Variants in C16orf46 observed in about 807,000 individuals in gnomAD.
C16orf46 encodes uncharacterized protein C16orf46.
C16orf46 carries 7 observed loss-of-function variants against 5.5 expected under a neutral mutation model. That is an observed-to-expected ratio of 1.28 (90% confidence interval 0.73 to 2.40). The LOEUF (loss-of-function observed/expected upper bound fraction) is 2.40. Ranked by LOEUF, C16orf46 falls within the 30% of genes most tolerant of loss-of-function variation. The pLI is 0.00. For synonymous variants in C16orf46, 200 were observed against 184.1 expected (o/e 1.09, Z -0.70); for missense variants, 614 against 476.0 (o/e 1.29, Z -2.70).
chr16:81,060,931 C>A, downstream of C16orf46: 1 of 1,278,484 alleles, frequency 7.8e-7, no homozygotes, highest in African/African-American at 1.5e-5. Flanking sequence ...AGCAGAAGCA[C>A]GTTAACACAT....
downstream of C16orf46, among the ~76,000 whole-genome samples, chr16:81,056,957 C>T (rs58418167): frequency 0.072 from 10,889 of 152,082 alleles, 1,250 homozygotes; most frequent in African/African-American, 0.24. Flanking sequence ...CCTAAACCAG[C>T]GGTTCTCAGC....
intron 1 of C16orf46, among the ~76,000 whole-genome samples, chr16:81,072,651 TG>T (rs1971896167): frequency 6.6e-6 from 1 of 151,064 alleles, no homozygotes; most frequent in South Asian, 2.1e-4. Flanking sequence ...CCCAAAGTGC[TG>T]GGATTATAGG....
At chr16:81,076,719 C>G (rs1276470701) in intron 1 of C16orf46, 1 of 152,716 alleles carries the variant, frequency 6.5e-6, no homozygotes, top group Non-Finnish European at 1.5e-5. Flanking sequence ...ACCTCTTCAT[C>G]TAGCCCCGCC....
At chr16:81,071,526 C>T (rs1031845140) in intron 1 of C16orf46, among the ~76,000 whole-genome samples, 4 of 152,118 alleles carry the variant, frequency 2.6e-5, no homozygotes, top group Non-Finnish European at 5.9e-5. Flanking sequence ...GCAGGAGGAT[C>T]ACTTGAGCTC....
chr16:81,060,959 A>G, downstream of C16orf46: 1 of 1,359,514 alleles, frequency 7.4e-7, no homozygotes, highest in African/African-American at 1.5e-5. Context: ...GTGTTTTAGA[A>G]AATAAATCCC....
intron 1 of C16orf46, among the ~76,000 whole-genome samples, chr16:81,067,840 T>A (rs993718326): frequency 6.6e-6 from 1 of 152,128 alleles, no homozygotes; most frequent in Non-Finnish European, 1.5e-5. Flanking sequence ...AATGAACAGA[T>A]AACAAGGTTT....
At chr16:81,069,850 C>G (rs1033808258) in intron 1 of C16orf46, 7 of 152,186 alleles carry the variant, frequency 4.6e-5, no homozygotes, top group African/African-American at 1.7e-4. Context: ...TTTCACCAGG[C>G]ATGGTGGCTC....
downstream of C16orf46, among the ~76,000 whole-genome samples, chr16:81,056,644 C>T (rs1160225150): frequency 1.4e-5 from 2 of 139,604 alleles, no homozygotes; most frequent in Admixed American, 7.9e-5. Flanking sequence ...TGCAGTGAGC[C>T]AAGATCGCGC....
chr16:81,075,137 A>G (rs536884573), intron 1 of C16orf46, among the ~76,000 whole-genome samples: 1 of 152,186 alleles, frequency 6.6e-6, no homozygotes, highest in Non-Finnish European at 1.5e-5. Flanking sequence ...CTCCCTATAC[A>G]ATGACCTGGC....
chr16:81,059,015 G>A (rs904012981), downstream of C16orf46, among the ~76,000 whole-genome samples: 8 of 152,094 alleles, frequency 5.3e-5, no homozygotes, highest in Non-Finnish European at 1.0e-4. Context: ...CATACATGCA[G>A]GATTAAAAGA....
At chr16:81,065,816 T>A (rs1405784644) in intron 2 of C16orf46, among the ~76,000 whole-genome samples, 2 of 98,332 alleles carry the variant, frequency 2.0e-5, no homozygotes, top group East Asian at 2.8e-4. Flanking sequence ...TTAGTTTTTT[T>A]ATTTTGTTTT....
chr16:81,059,902 C>A (rs1482939448), downstream of C16orf46, among the ~76,000 whole-genome samples: 5 of 151,998 alleles, frequency 3.3e-5, no homozygotes, highest in South Asian at 1.0e-3. Context: ...CATTCTCCTG[C>A]CTCAGCCTCC....
downstream of C16orf46, among the ~76,000 whole-genome samples, chr16:81,060,064 A>AG (rs1347338079): frequency 2.6e-5 from 4 of 152,062 alleles, no homozygotes; most frequent in Non-Finnish European, 4.4e-5. Context: ...CTGGGATTAC[A>AG]GGTGTGAGCC....
intron 1 of C16orf46, among the ~76,000 whole-genome samples, chr16:81,073,358 C>T (rs804905): frequency 4.0e-5 from 6 of 151,628 alleles, no homozygotes; most frequent in Non-Finnish European, 7.4e-5. Context: ...GAATTAATAG[C>T]ATATAAGGTT....
chr16:81,075,577 G>A lies in C16orf46; in HGVS notation c.-128+1559C>T, dbSNP rs1180226758. Among the ~76,000 whole-genome samples, 7 of 152,172 alleles carry A rather than the reference G, an allele frequency of 4.6e-5. No individual in the cohort carries two copies. The East Asian group carries it at 1.3e-3, about 29-fold the overall frequency. On this transcript the variant is annotated intron_variant, in intron 1 of 3. Coordinates refer to ENST00000299578, the MANE Select transcript of C16orf46 (RefSeq NM_152337.3). ...TACACTCCAACCTGGGTAACAGGGT[G>A]AGACTGTCTCAAAACAAAACAAAGA...
chr16:81,068,922 C>T (rs973299252), intron 1 of C16orf46, among the ~76,000 whole-genome samples: 5 of 151,802 alleles, frequency 3.3e-5, no homozygotes, highest in Non-Finnish European at 5.9e-5. Flanking sequence ...CCAAGCTGGT[C>T]ATGAACTCCT....
At chr16:81,055,459 C>G (rs553188036) in intron 3 of C16orf46, 2 of 150,862 alleles carry the variant, frequency 1.3e-5, no homozygotes, top group East Asian at 3.9e-4. Flanking sequence ...TTTGGGAGGC[C>G]AAGGCAGGCG....
chr16:81,072,803 G>A (rs1040079511), intron 1 of C16orf46, among the ~76,000 whole-genome samples: 1 of 152,164 alleles, frequency 6.6e-6, no homozygotes, highest in Non-Finnish European at 1.5e-5. Context: ...CCAGGTTCAA[G>A]CAATTCTCAA....
intron 2 of C16orf46, among the ~76,000 whole-genome samples, chr16:81,065,864 G>C (rs1054148760): frequency 2.0e-5 from 3 of 148,630 alleles, no homozygotes; most frequent in Non-Finnish European, 4.4e-5. Flanking sequence ...TTTTGAGACA[G>C]AGTCTCACTC....
Sources: allele counts gnomAD v4.1 joint callset (sites outside exome capture counted in the v4.1 genomes callset), GRCh38; gene constraint gnomAD v4.1.1; transcripts MANE v1.5; gene names NCBI Gene and HGNC (gene_info 2026-07-23, HGNC 2026-07-21).